The following CNTLN variants were observed in gnomAD, a reference collection of about 807,000 sequenced individuals.
CNTLN encodes the protein centlein, also known as centlein, centrosomal protein.
A neutral mutation model predicts 180.0 loss-of-function variants in CNTLN; 212 were observed. The observed-to-expected ratio is 1.18, with a 90% CI of 1.05 to 1.32. The LOEUF (loss-of-function observed/expected upper bound fraction) is 1.32. Among genes scored for constraint, CNTLN ranks in the 40% most tolerant of loss-of-function variants. The pLI, the probability that CNTLN is intolerant of heterozygous loss-of-function variation, is 0.00. For missense variants in CNTLN, 2,095 were observed against 1,610.9 expected, an observed-to-expected ratio of 1.30 and a Z score of -5.14; for synonymous variants, 722 against 563.1, an observed-to-expected ratio of 1.28 and a Z score of -3.99.
rs182901945 is a variant in CNTLN at position 17,219,106 on chromosome 9, G to A, written c.450-7097G>A. Among the ~76,000 whole-genome samples the A allele has an allele frequency of 5.9e-5, 9 of 152,154 alleles. 1 individual carries two copies. The East Asian group carries it at 1.7e-3, about 29-fold the overall frequency. On this transcript the variant is annotated intron_variant, in intron 2 of 25. Transcript: ENST00000380647. ...TGTACAGATTTGACAGCCTCTCTTC[G>A]CTTCATTTTTCATTCTAAAGAAGTC...
chr9:17,299,712 A>G, intron 7 of CNTLN: 12 of 985,182 alleles, frequency 1.2e-5, no homozygotes, highest in Non-Finnish European at 1.4e-5. Context: ...AGCACGTTCC[A>G]TTGCTAAAAT....
Position 17,259,151 on chromosome 9 carries a change from A to G in CNTLN, c.850-14582A>G, listed in dbSNP as rs1375118593. On this transcript the variant is annotated intron_variant, in intron 5 of 25. Transcript: ENST00000380647. Reference sequence around the variant, plus strand: ...TTATTATTTTGAAATACGTCCCATCAATACCTAATTTATTGAGAGTTTTTA... The same window carrying G: ...TTATTATTTTGAAATACGTCCCATCGATACCTAATTTATTGAGAGTTTTTA... 2.0e-5 allele frequency among the ~76,000 whole-genome samples: 3 copies of G among 147,798 alleles called. No individual in the cohort carries two copies. In the East Asian group the frequency reaches 6.0e-4, roughly 29 times the overall value.
chr9:17,407,232 A>G (rs764921695), intron 15 of CNTLN, among the ~76,000 whole-genome samples: 20 of 152,210 alleles, frequency 1.3e-4, no homozygotes, highest in Non-Finnish European at 2.5e-4. Flanking sequence ...GGGTAATTCT[A>G]TAGTTGGTGT....
At chr9:17,311,239 G>T (rs1472465028) in intron 8 of CNTLN, among the ~76,000 whole-genome samples, 1 of 151,738 alleles carries the variant, frequency 6.6e-6, no homozygotes, top group Non-Finnish European at 1.5e-5. Flanking sequence ...TGGTCAAGCT[G>T]GTCCTGAACT....
At chr9:17,206,664 A>G (rs1204943013) in intron 2 of CNTLN, among the ~76,000 whole-genome samples, 1 of 152,194 alleles carries the variant, frequency 6.6e-6, no homozygotes, top group African/African-American at 2.4e-5. Context: ...ATGTGGAGGT[A>G]AAGTTAAATA....
At chr9:17,273,311 C>G (rs1563945695) in intron 5 of CNTLN, among the ~76,000 whole-genome samples, 1 of 152,118 alleles carries the variant, frequency 6.6e-6, no homozygotes, top group Non-Finnish European at 1.5e-5. Flanking sequence ...CTTTGAAGCA[C>G]TGTCCTTTCT....
intron 5 of CNTLN, among the ~76,000 whole-genome samples, chr9:17,270,006 T>C (rs534336235): frequency 1.4e-4 from 21 of 152,300 alleles, no homozygotes; most frequent in African/African-American, 5.1e-4. Flanking sequence ...TCATCTTTTA[T>C]AATCTTGCTC....
intron 20 of CNTLN, among the ~76,000 whole-genome samples, chr9:17,463,903 T>C (rs1413023222): frequency 6.7e-6 from 1 of 148,952 alleles, no homozygotes; most frequent in Admixed American, 6.8e-5. Flanking sequence ...AAGCCTTCGA[T>C]ACATGTTAGC....
chr9:17,177,448 T>C (rs952556255), intron 2 of CNTLN, among the ~76,000 whole-genome samples: 24 of 152,102 alleles, frequency 1.6e-4, no homozygotes, highest in African/African-American at 5.8e-4. Flanking sequence ...GAAGTGGAAA[T>C]GTGTCCGGAA....
Position 17,277,113 on chromosome 9 carries a change from GTCATTTATATTTTATT to G in CNTLN, c.983+3248_983+3263del, listed in dbSNP as rs1243437822. 1.9e-4 allele frequency among the ~76,000 whole-genome samples: 26 copies of G among 136,616 alleles called. 13 individuals carry two copies. Among genetic ancestry groups the G allele is most frequent in the South Asian group, 5.2e-4 (2 of 3,818 alleles). 89.6% of individuals were successfully genotyped at this position (136,616 alleles called of 152,430 possible). A position where few individuals can be genotyped will look rare whatever the true frequency, so the allele number is the denominator to read the frequency against. On this transcript the variant is annotated intron_variant, in intron 6 of 25. Coordinates refer to ENST00000380647, the MANE Select transcript of CNTLN (RefSeq NM_017738.4). ...TGGATTTCCTTCTTTGAAGTTCATA[GTCATTTATATTTTATT>G]GAATATTTGATCCCTGTCACCCATT...
rs192484400 is a variant in CNTLN, at chr9:17,202,161, T to C, written c.450-24042T>C. 2.3e-3 allele frequency among the ~76,000 whole-genome samples: 350 copies of C among 152,342 alleles called. 1 individual carries two copies. Among genetic ancestry groups the C allele is most frequent in the Non-Finnish European group, 3.7e-3 (253 of 68,026 alleles). On this transcript the variant is annotated intron_variant, in intron 2 of 25. Transcript: ENST00000380647. Reference sequence around the variant, plus strand: ...GTGAGGTTTTGAATGAGTTTCTTCATCCTGAGTTCTAATTTGATTACACTG... The same window carrying C: ...GTGAGGTTTTGAATGAGTTTCTTCACCCTGAGTTCTAATTTGATTACACTG...
chr9:17,410,267 C>G (rs188367665), intron 16 of CNTLN, among the ~76,000 whole-genome samples: 1 of 152,024 alleles, frequency 6.6e-6, no homozygotes, highest in African/African-American at 2.4e-5. Flanking sequence ...TGAGGTATAT[C>G]ATTGTGAGTT....
chr9:17,291,530 C>T (rs916919230), intron 6 of CNTLN, among the ~76,000 whole-genome samples: 1 of 152,146 alleles, frequency 6.6e-6, no homozygotes, highest in Admixed American at 6.5e-5. Context: ...TAGCAGTTCA[C>T]ATTGAATTGA....
the CNTLN span, among the ~76,000 whole-genome samples, chr9:17,519,748 CACTCCTTA>C: frequency 1.3e-5 from 2 of 152,172 alleles, no homozygotes; most frequent in Admixed American, 6.5e-5. Flanking sequence ...TTAGCACATC[CACTCCTTA>C]AGTAATTTTA....
In CNTLN at chr9:17,214,121, T is replaced by C. The variant is rs1353063819; in HGVS notation, c.450-12082T>C. On this transcript the variant is annotated intron_variant, in intron 2 of 25. Transcript: ENST00000380647. ...TATGATTTTAGCTGGTTATTTTGCTTATTAGTTGATGCAGTTTCTTCCTAG... is the reference window on the plus strand; with the variant it reads ...TATGATTTTAGCTGGTTATTTTGCTCATTAGTTGATGCAGTTTCTTCCTAG... 3.9e-5 allele frequency among the ~76,000 whole-genome samples: 6 copies of C among 152,234 alleles called. No homozygotes were observed. The East Asian group carries it at 5.8e-4, about 15-fold the overall frequency.
chr9:17,429,088 T>G (rs1829258860), intron 18 of CNTLN, among the ~76,000 whole-genome samples: 1 of 152,042 alleles, frequency 6.6e-6, no homozygotes. Flanking sequence ...ATAGATGTTT[T>G]AAATAAAAAT....
intron 2 of CNTLN, among the ~76,000 whole-genome samples, chr9:17,225,998 A>G (rs1011975337): frequency 7.9e-5 from 12 of 152,026 alleles, no homozygotes; most frequent in Non-Finnish European, 1.5e-4. Flanking sequence ...TTTTTATCAT[A>G]TACCTAAATC....
chr9:17,222,089 A>T (rs113776615), intron 2 of CNTLN, among the ~76,000 whole-genome samples: 1 of 152,046 alleles, frequency 6.6e-6, no homozygotes, highest in Non-Finnish European at 1.5e-5. Context: ...GTCAGCATAC[A>T]CACAGGCTGT....
chr9:17,390,121 G>A (rs926585213), intron 14 of CNTLN, among the ~76,000 whole-genome samples: 28 of 151,416 alleles, frequency 1.8e-4, no homozygotes, highest in Non-Finnish European at 4.4e-5. Flanking sequence ...ATAAATTTCT[G>A]TTGTTTAAGT....
Sources: gnomAD v4.1 joint callset for allele counts (sites outside exome capture counted in the v4.1 genomes callset) on GRCh38, gnomAD v4.1.1 for gene constraint, MANE v1.5 for transcripts, NCBI Gene and HGNC (gene_info 2026-07-23, HGNC 2026-07-21) for gene names.